CCSER1: variants seen among roughly 807,000 people sequenced by gnomAD.
CCSER1 encodes the protein coiled-coil serine rich protein 1, also known as serine-rich coiled-coil domain-containing protein 1.
A neutral mutation model predicts 82.0 loss-of-function variants in CCSER1; 41 were observed. The ratio of observed to expected loss-of-function variants is 0.50; its 90% CI spans 0.39 to 0.65. CCSER1 has a LOEUF of 0.65. Among genes scored for constraint, CCSER1 ranks in the 30% least tolerant of loss-of-function variants. CCSER1 has a pLI of 0.00. For missense variants in CCSER1, 1,119 were observed against 1,064.2 expected, an observed-to-expected ratio of 1.05 and a Z score of -0.72; for synonymous variants, 414 against 383.9, an observed-to-expected ratio of 1.08 and a Z score of -0.92.
intron 7 of CCSER1, among the ~76,000 whole-genome samples, chr4:90,739,480 T>C (rs1362837298): frequency 3.3e-5 from 5 of 152,184 alleles, no homozygotes; most frequent in Non-Finnish European, 7.3e-5. Context: ...TTGTGTCTCA[T>C]TGGGTCATGT....
At chr4:91,263,688 G>T (rs1041080983) in intron 10 of CCSER1, among the ~76,000 whole-genome samples, 8 of 151,838 alleles carry the variant, frequency 5.3e-5, no homozygotes, top group African/African-American at 1.9e-4. Flanking sequence ...AGATTTCAAA[G>T]CCAGTATCCA....
intron 6 of CCSER1, among the ~76,000 whole-genome samples, chr4:90,664,761 A>G (rs1332459439): frequency 3.3e-5 from 5 of 152,056 alleles, no homozygotes; most frequent in Non-Finnish European, 5.9e-5. Context: ...TTAGCCTGGA[A>G]TGGTGGCACA....
intron 9 of CCSER1, among the ~76,000 whole-genome samples, chr4:91,084,810 TA>T (rs993536473): frequency 9.2e-5 from 14 of 152,192 alleles, no homozygotes; most frequent in African/African-American, 3.1e-4. Flanking sequence ...CTGTTTAAAA[TA>T]AAATGGTTTA....
At chr4:91,313,482 T>C (rs1475971522) in intron 10 of CCSER1, among the ~76,000 whole-genome samples, 1 of 151,832 alleles carries the variant, frequency 6.6e-6, no homozygotes, top group Non-Finnish European at 1.5e-5. Context: ...TCTTTTGGAG[T>C]TGTCTGTTAT....
intron 10 of CCSER1, among the ~76,000 whole-genome samples, chr4:91,199,985 G>T (rs1350197604): frequency 6.6e-6 from 1 of 151,804 alleles, no homozygotes; most frequent in Non-Finnish European, 1.5e-5. Context: ...TCTTTTTTTA[G>T]TACTAATTAA....
intron 6 of CCSER1, among the ~76,000 whole-genome samples, chr4:90,656,034 T>C (rs1729639746): frequency 6.6e-6 from 1 of 151,990 alleles, no homozygotes; most frequent in South Asian, 2.1e-4. Flanking sequence ...CATTCTCTTC[T>C]ACCCTTACAT....
rs997830701 is a variant in CCSER1 at position 90,127,448 on chromosome 4, C to T, written c.-425C>T. On this transcript the variant is annotated 5_prime_UTR_variant, in exon 1 of 11. Transcript: ENST00000509176. ...GTGGATCTCGCGCTCCCCACACAGT[C>T]ACACTCCGCGCACTCACACACTTGG... The T allele has an allele frequency of 1.3e-5, 2 of 152,652 alleles. No individual in the cohort carries two copies. Among genetic ancestry groups the T allele is most frequent in the African/African-American group, 4.8e-5 (2 of 41,462 alleles). The allele number at this position is 152,652 out of a possible 1,614,324, so 9.5% of individuals were successfully genotyped here.
intron 8 of CCSER1, among the ~76,000 whole-genome samples, chr4:90,920,953 A>C (rs191304202): frequency 6.6e-6 from 1 of 151,260 alleles, no homozygotes; most frequent in African/African-American, 2.4e-5. Context: ...TGAAACTGAA[A>C]ATACATGATG....
intron 10 of CCSER1, among the ~76,000 whole-genome samples, chr4:91,464,300 T>C (rs1440277260): frequency 6.6e-6 from 1 of 152,108 alleles, no homozygotes; most frequent in Admixed American, 6.5e-5. Context: ...GACAAGCAAA[T>C]GCTGAGAGAT....
intron 4 of CCSER1, among the ~76,000 whole-genome samples, chr4:90,424,287 T>G (rs1010960115): frequency 6.6e-6 from 1 of 152,100 alleles, no homozygotes; most frequent in Non-Finnish European, 1.5e-5. Context: ...GAAAAATCCA[T>G]AGGGGTGATT....
intron 10 of CCSER1, among the ~76,000 whole-genome samples, chr4:91,241,998 A>T (rs570650762): frequency 6.6e-6 from 1 of 152,176 alleles, no homozygotes; most frequent in Non-Finnish European, 1.5e-5. Flanking sequence ...ATATATATGT[A>T]TGCAATTTTA....
intron 10 of CCSER1, among the ~76,000 whole-genome samples, chr4:91,588,275 T>G (rs548742703): frequency 6.6e-6 from 1 of 151,636 alleles, no homozygotes; most frequent in Non-Finnish European, 1.5e-5. Context: ...CTTAGATTTT[T>G]TTTTCACTCT....
intron 4 of CCSER1, among the ~76,000 whole-genome samples, chr4:90,434,665 T>C (rs1330014470): frequency 2.6e-5 from 4 of 152,054 alleles, no homozygotes; most frequent in Admixed American, 6.6e-5. Context: ...GCAAGCAGTT[T>C]GGTGTGATGA....
chr4:91,112,190 C>A (rs890523961), intron 10 of CCSER1, among the ~76,000 whole-genome samples: 2 of 152,064 alleles, frequency 1.3e-5, no homozygotes, highest in African/African-American at 4.8e-5. Context: ...ACTAAGAGAT[C>A]GTCCTGAAAA....
chr4:90,836,924 G>A (rs1307295829), intron 8 of CCSER1, among the ~76,000 whole-genome samples: 1 of 152,190 alleles, frequency 6.6e-6, no homozygotes, highest in Non-Finnish European at 1.5e-5. Context: ...GAGCAAAAAT[G>A]TACCAGTGTG....
intron 5 of CCSER1, among the ~76,000 whole-genome samples, chr4:90,551,461 T>C (rs1372284417): frequency 6.6e-6 from 1 of 152,048 alleles, no homozygotes; most frequent in Non-Finnish European, 1.5e-5. Flanking sequence ...CTTTCTTCTA[T>C]GCCCAGCCTT....
intron 3 of CCSER1, among the ~76,000 whole-genome samples, chr4:90,391,351 T>C (rs1232228857): frequency 7.2e-6 from 1 of 139,400 alleles, no homozygotes; most frequent in Non-Finnish European, 1.5e-5. Flanking sequence ...ATGTTTGAGG[T>C]GATGAATACC....
At chr4:91,226,074 A>T (rs1360672911) in intron 10 of CCSER1, among the ~76,000 whole-genome samples, 1 of 152,026 alleles carries the variant, frequency 6.6e-6, no homozygotes, top group Non-Finnish European at 1.5e-5. Flanking sequence ...TTACATATGT[A>T]TACAAGTGCG....
rs1027562793 is a variant in CCSER1, at chr4:91,028,473, C to T, written c.2173-57477C>T. On this transcript the variant is annotated intron_variant, in intron 9 of 10. Transcript: ENST00000509176. ...TAACTCAAAGGACACATCTTACTGC[C>T]GTTAGACCAGTTACTATTTGCTAAC... 9.2e-5 allele frequency among the ~76,000 whole-genome samples: 14 copies of T among 151,970 alleles called. No homozygotes were observed. The South Asian group carries it at 1.9e-3, about 20-fold the overall frequency.
Sources: gnomAD v4.1 joint callset for allele counts (sites outside exome capture counted in the v4.1 genomes callset) on GRCh38, gnomAD v4.1.1 for gene constraint, MANE v1.5 for transcripts, NCBI Gene and HGNC (gene_info 2026-07-23, HGNC 2026-07-21) for gene names.